The following SP140L variants were observed in gnomAD, a reference collection of about 807,000 sequenced individuals.
SP140L encodes the protein SP140 like nuclear body protein.
Under a neutral mutation model 84.3 loss-of-function variants are expected in SP140L, and 64 were observed. The ratio of observed to expected loss-of-function variants is 0.76; its 90% CI spans 0.62 to 0.94. The LOEUF (loss-of-function observed/expected upper bound fraction) is 0.94, where lower values mean the gene tolerates loss of function less well. SP140L is among the 40% of genes least tolerant of loss of function. The pLI, the probability that SP140L is intolerant of heterozygous loss-of-function variation, is 0.00. For synonymous variants in SP140L, 242 were observed against 236.9 expected (o/e 1.02, Z -0.20); for missense variants, 628 against 692.5 (o/e 0.91, Z 1.05).
chr2:230,359,228 G>A (rs1489197077), intron 4 of SP140L, 96 bp downstream of exon 4: 1 of 1,091,430 alleles, frequency 9.2e-7, no homozygotes, highest in African/African-American at 1.6e-5. Flanking sequence ...CATTGTGTTG[G>A]GCAGTGGGCA....
intron 9 of SP140L, among the ~76,000 whole-genome samples, chr2:230,387,491 G>A (rs1166565811): frequency 6.6e-6 from 1 of 152,050 alleles, no homozygotes; most frequent in Non-Finnish European, 1.5e-5. Flanking sequence ...GTCTACTTTG[G>A]GTCCGATTGG....
intron 7 of SP140L, among the ~76,000 whole-genome samples, chr2:230,373,559 C>T (rs985464087): frequency 6.6e-6 from 1 of 152,118 alleles, no homozygotes; most frequent in Non-Finnish European, 1.5e-5. Flanking sequence ...ATTTTAAACC[C>T]ACCATTGAGA....
intron 5 of SP140L, among the ~76,000 whole-genome samples, chr2:230,366,296 T>C (rs1244776195): frequency 1.3e-5 from 2 of 152,170 alleles, no homozygotes; most frequent in East Asian, 3.8e-4. Flanking sequence ...ATTTGGTTGC[T>C]CAGATGTTGG....
At chr2:230,354,859 AAGAAAG>A (rs1315069292) in intron 2 of SP140L, among the ~76,000 whole-genome samples, 1 of 117,982 alleles carries the variant, frequency 8.5e-6, no homozygotes, top group African/African-American at 3.0e-5. Flanking sequence ...GAAAGAAAGA[AAGAAAG>A]AAAGAAAGAA....
chr2:230,369,902 T>G (rs2061000266), intron 5 of SP140L, among the ~76,000 whole-genome samples: 1 of 152,206 alleles, frequency 6.6e-6, no homozygotes, highest in African/African-American at 2.4e-5. Context: ...GCCTCCCAAG[T>G]AGCTGGGATT....
chr2:230,391,363 A>G (rs1297961701), intron 11 of SP140L, among the ~76,000 whole-genome samples: 1 of 152,182 alleles, frequency 6.6e-6, no homozygotes, highest in Non-Finnish European at 1.5e-5. Flanking sequence ...CCATTTCTCT[A>G]CACACTCACC....
chr2:230,369,923 G>GTA (rs2061002230), intron 5 of SP140L, among the ~76,000 whole-genome samples: 5 of 147,786 alleles, frequency 3.4e-5, no homozygotes, highest in African/African-American at 1.3e-4. Context: ...ACAGGCGCAC[G>GTA]CCACCACACC....
chr2:230,354,188 C>T (rs2060447969), intron 2 of SP140L, among the ~76,000 whole-genome samples: 1 of 151,858 alleles, frequency 6.6e-6, no homozygotes, highest in African/African-American at 2.4e-5. Context: ...GAAGTATTTC[C>T]TCAAATGTCT....
chr2:230,364,964 T>C (rs1252062018), intron 5 of SP140L, among the ~76,000 whole-genome samples: 1 of 152,116 alleles, frequency 6.6e-6, no homozygotes. Context: ...TGTTGAACCA[T>C]CCATGCATCC....
intron 2 of SP140L, among the ~76,000 whole-genome samples, chr2:230,355,331 G>A (rs2060509995): frequency 6.6e-6 from 1 of 152,122 alleles, no homozygotes. Flanking sequence ...TTGAAAAGCA[G>A]TATCCTTTAA....
At chr2:230,338,793 T>C (rs1229621294) in intron 2 of SP140L, among the ~76,000 whole-genome samples, 1 of 141,850 alleles carries the variant, frequency 7.0e-6, no homozygotes, top group African/African-American at 2.7e-5. Context: ...TATGCTGGAT[T>C]ACATTTATTG....
In SP140L at chr2:230,353,446, G is replaced by A. The variant is rs139939307; in HGVS notation, c.108-4359G>A. ...TATATTTTGTCCATTTTTGGTATAT[G>A]GAAAGAGTAAAAAAACTAAGGGTGA... is the stretch of plus-strand genomic sequence containing the variant. On this transcript the variant is annotated intron_variant, in intron 2 of 18. Transcript: ENST00000415673. Among the ~76,000 whole-genome samples, 1,072 of 152,062 alleles carry A rather than the reference G, an allele frequency of 7.0e-3. 7 individuals carry two copies. Among genetic ancestry groups the A allele is most frequent in the Non-Finnish European group, 0.011 (714 of 67,920 alleles).
rs201303885 is a variant in SP140L, at chr2:230,400,219, C to G, written c.1290C>G (p.His430Gln). 1.5e-5 allele frequency: 25 copies of G among 1,614,184 alleles called. No individual in the cohort carries two copies. Among genetic ancestry groups the G allele is most frequent in the Non-Finnish European group, 1.9e-5 (22 of 1,180,018 alleles). ...CAAGAGTCTTCCATGAGGACTGCCA[C>G]ATCCCACCTGTGGAAAGTGAGAAGT... The part of the protein sequence containing the change: ...TCSRVFHEDC[H>Q]IPPVESEKTP... The change falls in exon 15 of 19, where the codon CAC (histidine) becomes CAG (glutamine). Residue 430 changes from histidine (H) to glutamine (Q), a missense_variant. Transcript: ENST00000415673.
intron 2 of SP140L, among the ~76,000 whole-genome samples, chr2:230,343,528 G>A (rs1177298011): frequency 1.4e-5 from 2 of 147,534 alleles, no homozygotes; most frequent in African/African-American, 5.0e-5. Context: ...ATTGTGAATA[G>A]TGCTGCAATG....
intron 2 of SP140L, among the ~76,000 whole-genome samples, chr2:230,344,961 A>G (rs1234732229): frequency 2.6e-5 from 4 of 152,202 alleles, no homozygotes; most frequent in Admixed American, 2.0e-4. Flanking sequence ...ACACTTGAGT[A>G]GAATATGTGT....
chr2:230,387,550 A>G (rs2061634910), intron 9 of SP140L, among the ~76,000 whole-genome samples: 1 of 152,194 alleles, frequency 6.6e-6, no homozygotes, highest in Admixed American at 6.5e-5. Flanking sequence ...CTTAGAGTTT[A>G]GAGCACTTAG....
At position 230,359,018 on chromosome 2, in the gene SP140L, G is replaced by A. The variant is rs777556646; in HGVS notation, c.325G>A (p.Val109Ile). The stretch of plus-strand genomic sequence containing the variant: ...CCCTGTACAAAGAGTGGTGTACAAT[G>A]TTCTCAGTGAACTGGAGAAGACATT... ...LVPVQRVVYN[V>I]LSELEKTFNL... The change falls in exon 4 of 19, where the codon GTT (valine) becomes ATT (isoleucine). Residue 109 changes from valine (V) to isoleucine (I), a missense_variant. Around this residue, in one of 4 missense-constraint regions of SP140L, gnomAD observed 525 missense variants for 518.4 expected, o/e 1.01. Transcript: ENST00000415673. 1.2e-6 allele frequency: 2 copies of A among 1,613,332 alleles called. No homozygotes were observed. Among genetic ancestry groups the A allele is most frequent in the Non-Finnish European group, 8.5e-7 (1 of 1,179,672 alleles).
intron 4 of SP140L, among the ~76,000 whole-genome samples, chr2:230,360,714 G>A (rs1362011040): frequency 2.0e-5 from 3 of 152,044 alleles, no homozygotes; most frequent in Non-Finnish European, 2.9e-5. Context: ...TTATGCTTGG[G>A]TGACCTGCAC....
chr2:230,327,413 ATAGG>A (rs945611419), intron 1 of SP140L, 112 bp downstream of exon 1: 2 of 1,227,958 alleles, frequency 1.6e-6, no homozygotes, highest in African/African-American at 3.0e-5. Context: ...TTGCAAGAAC[ATAGG>A]TAGGTAGTGT....
Sources: allele counts gnomAD v4.1 joint callset (sites outside exome capture counted in the v4.1 genomes callset), GRCh38; gene constraint gnomAD v4.1.1; regional missense constraint gnomAD v4.1.1; transcripts MANE v1.5; gene names NCBI Gene and HGNC (gene_info 2026-07-23, HGNC 2026-07-21).